SDK1: variants seen among roughly 807,000 people sequenced by gnomAD.
SDK1 encodes the protein protein sidekick-1.
SDK1 carries 157 observed loss-of-function variants against 245.5 expected under a neutral mutation model. The observed-to-expected ratio is 0.64, with a 90% CI of 0.56 to 0.73. SDK1 has a LOEUF of 0.73. Ranked by LOEUF, SDK1 falls within the 30% of genes least tolerant of loss-of-function variation. The probability of loss-of-function intolerance (pLI) is 0.00; values close to 1 mark genes in which losing one functional copy is unlikely to be tolerated. For synonymous variants in SDK1, 1,647 were observed against 1,278.5 expected (o/e 1.29, Z -6.15); for missense variants, 3,583 against 3,002.3 (o/e 1.19, Z -4.52).
chr7:4,193,139 TTAA>T lies in SDK1; in HGVS notation c.5099-12737_5099-12735del, dbSNP rs1286736542. Among the ~76,000 whole-genome samples, 27 of 131,236 alleles carry T rather than the reference TTAA, an allele frequency of 2.1e-4. 1 individual carries two copies. The South Asian group carries it at 5.9e-3, about 29-fold the overall frequency. The allele number at this position is 131,236 out of a possible 152,430, so 86.1% of individuals were successfully genotyped here. A position where few individuals can be genotyped will look rare whatever the true frequency, so the allele number is the denominator to read the frequency against. ...AAAATATATATAATATATAAATATA[TTAA>T]TATATTTATATAATATATATTAAAA... On this transcript the variant is annotated intron_variant, in intron 35 of 44. Transcript: ENST00000404826.
chr7:3,874,503 C>A (rs550842892), intron 5 of SDK1, among the ~76,000 whole-genome samples: 1 of 152,120 alleles, frequency 6.6e-6, no homozygotes, highest in Non-Finnish European at 1.5e-5. Flanking sequence ...GGGCCTGAGG[C>A]TGTAGTCCTG....
chr7:4,254,827 C>G (rs998771413), intron 44 of SDK1, among the ~76,000 whole-genome samples: 3 of 152,138 alleles, frequency 2.0e-5, no homozygotes, highest in African/African-American at 7.2e-5. Flanking sequence ...TGTGTGTGCT[C>G]TCATGTTGCT....
chr7:3,696,918 A>G (rs1011775945), intron 4 of SDK1, among the ~76,000 whole-genome samples: 2 of 152,122 alleles, frequency 1.3e-5, no homozygotes, highest in African/African-American at 4.8e-5. Context: ...TTTAAAAAAA[A>G]AAACTCATAA....
At chr7:3,646,989 G>A (rs1348183901) in intron 4 of SDK1, among the ~76,000 whole-genome samples, 1 of 152,198 alleles carries the variant, frequency 6.6e-6, no homozygotes, top group Admixed American at 6.5e-5. Context: ...TGGGTACAGA[G>A]TTTCACAAGA....
chr7:4,214,607 T>C (rs1784684253), intron 38 of SDK1, among the ~76,000 whole-genome samples: 1 of 152,124 alleles, frequency 6.6e-6, no homozygotes. Flanking sequence ...AAAAGCTCCA[T>C]CAGGCCTCCC....
At chr7:3,851,704 A>C (rs1168759904) in intron 5 of SDK1, among the ~76,000 whole-genome samples, 2 of 152,220 alleles carry the variant, frequency 1.3e-5, no homozygotes, top group Admixed American at 6.5e-5. Context: ...AATTTTACAC[A>C]GTCCACCAGA....
intron 5 of SDK1, among the ~76,000 whole-genome samples, chr7:3,858,656 C>T (rs1780607963): frequency 1.3e-5 from 2 of 151,752 alleles, no homozygotes; most frequent in East Asian, 1.9e-4. Flanking sequence ...CTGTACCATC[C>T]TTCTAGGAAG....
chr7:3,473,749 C>A (rs1781255120), intron 1 of SDK1, among the ~76,000 whole-genome samples: 1 of 152,126 alleles, frequency 6.6e-6, no homozygotes, highest in Non-Finnish European at 1.5e-5. Context: ...ACACAGAGCC[C>A]TGGCTCCCAC....
At chr7:3,465,825 G>A (rs189481564) in intron 1 of SDK1, among the ~76,000 whole-genome samples, 1 of 152,176 alleles carries the variant, frequency 6.6e-6, no homozygotes, top group African/African-American at 2.4e-5. Flanking sequence ...CACCTTTTGG[G>A]TTGGCCATCA....
intron 1 of SDK1, among the ~76,000 whole-genome samples, chr7:3,327,130 A>G (rs1779958177): frequency 6.6e-6 from 1 of 152,176 alleles, no homozygotes; most frequent in Non-Finnish European, 1.5e-5. Flanking sequence ...CCTGGGTGTG[A>G]CATCTTAAGA....
Position 3,596,017 on chromosome 7 carries a change from G to A in SDK1, c.299-23063G>A, listed in dbSNP as rs1329037387. ...GGTCGTTGTGAGAACATTTCAGATA[G>A]TATTTATTAAAATATTTCCTCCTTG... On this transcript the variant is annotated intron_variant, in intron 1 of 44. Transcript: ENST00000404826. Among the ~76,000 whole-genome samples, 5 of 149,590 alleles carry A rather than the reference G, an allele frequency of 3.3e-5. No individual in the cohort carries two copies. The South Asian group carries it at 8.5e-4, about 25-fold the overall frequency.
chr7:3,483,753 A>G (rs1406963276), intron 1 of SDK1, among the ~76,000 whole-genome samples: 2 of 152,144 alleles, frequency 1.3e-5, no homozygotes, highest in Non-Finnish European at 2.9e-5. Context: ...ATTAGATGAT[A>G]TTTATTTCAG....
At chr7:4,032,316 A>G (rs974484606) in intron 17 of SDK1, among the ~76,000 whole-genome samples, 10 of 152,220 alleles carry the variant, frequency 6.6e-5, no homozygotes, top group African/African-American at 1.9e-4. Flanking sequence ...AGCATATGAT[A>G]AAATAGAAAT....
intron 1 of SDK1, among the ~76,000 whole-genome samples, chr7:3,555,267 A>C (rs1348595029): frequency 6.6e-6 from 1 of 151,610 alleles, no homozygotes; most frequent in African/African-American, 2.4e-5. Context: ...TAAAATCCAG[A>C]AATAAATCTA....
chr7:3,555,100 C>T (rs1189639415), intron 1 of SDK1, among the ~76,000 whole-genome samples: 4 of 152,016 alleles, frequency 2.6e-5, no homozygotes, highest in African/African-American at 9.7e-5. Flanking sequence ...TTAAATGGAA[C>T]CACAAAAAGC....
At chr7:4,255,834 A>G (rs1366477295) in intron 44 of SDK1, among the ~76,000 whole-genome samples, 2 of 151,336 alleles carry the variant, frequency 1.3e-5, no homozygotes, top group Non-Finnish European at 2.9e-5. Context: ...GACTCTCACT[A>G]TCGAGTGAGA....
At chr7:3,572,717 T>A (rs1733663208) in intron 1 of SDK1, among the ~76,000 whole-genome samples, 1 of 152,106 alleles carries the variant, frequency 6.6e-6, no homozygotes, top group South Asian at 2.1e-4. Flanking sequence ...ATAGAGGATT[T>A]AACGGTGAGC....
intron 4 of SDK1, among the ~76,000 whole-genome samples, chr7:3,798,743 C>G (rs550416087): frequency 6.6e-6 from 1 of 152,240 alleles, no homozygotes; most frequent in East Asian, 1.9e-4. Flanking sequence ...CTTAGCCCGG[C>G]CCACATGCAA....
At chr7:4,205,030 T>G (rs1784136450) in intron 35 of SDK1, among the ~76,000 whole-genome samples, 1 of 75,178 alleles carries the variant, frequency 1.3e-5, no homozygotes, top group South Asian at 4.3e-4. Context: ...GGCCGCAACA[T>G]CCTCATGTGT....
Sources: allele counts gnomAD v4.1 joint callset (sites outside exome capture counted in the v4.1 genomes callset), GRCh38; gene constraint gnomAD v4.1.1; transcripts MANE v1.5; gene names NCBI Gene and HGNC (gene_info 2026-07-23, HGNC 2026-07-21).